The following PUM1 variants were observed in gnomAD, a reference collection of about 807,000 sequenced individuals.
The protein encoded by PUM1 is pumilio RNA binding family member 1.
Under a neutral mutation model 131.8 loss-of-function variants are expected in PUM1, and 13 were observed. The observed-to-expected ratio is 0.10, with a 90% CI of 0.06 to 0.16. PUM1 has a LOEUF of 0.16. Among genes scored for constraint, PUM1 ranks in the 10% least tolerant of loss-of-function variants. The probability of loss-of-function intolerance (pLI) is 1.00; values close to 1 mark genes in which losing one functional copy is unlikely to be tolerated. For synonymous variants in PUM1, 509 were observed against 556.5 expected (o/e 0.91, Z 1.20); for missense variants, 961 against 1,512.4 (o/e 0.64, Z 6.05).
chr1:31,038,984 A>ATATATATATATATATATATATATATTTTT, intron 2 of PUM1, among the ~76,000 whole-genome samples: 2 of 49,420 alleles, frequency 4.0e-5, no homozygotes, highest in Non-Finnish European at 6.1e-5. Context: ...ATATATATAT[A>ATATATATATATATATATATATATATTTTT]TTTTTTTTTT....
In PUM1 at chr1:30,978,603, A is replaced by G. The variant is rs533807555; in HGVS notation, c.1354+1459T>C. Among the ~76,000 whole-genome samples, 18 of 152,364 alleles carry G rather than the reference A, an allele frequency of 1.2e-4. No homozygotes were observed. The East Asian group carries it at 3.5e-3, about 29-fold the overall frequency. ...TACATAATAAGTAGTAAAATTTCGAAGTAATATTTAGTCATGATGAACTTG... is the reference window on the plus strand; with the variant it reads ...TACATAATAAGTAGTAAAATTTCGAGGTAATATTTAGTCATGATGAACTTG... On this transcript the variant is annotated intron_variant, in intron 9 of 21. Coordinates refer to ENST00000426105, the MANE Select transcript of PUM1 (RefSeq NM_001020658.2).
chr1:31,001,423 T>C (rs1272856609), intron 5 of PUM1, among the ~76,000 whole-genome samples: 1 of 151,982 alleles, frequency 6.6e-6, no homozygotes, highest in African/African-American at 2.4e-5. Flanking sequence ...CTGCTGGCCA[T>C]GTGAAATACT....
At chr1:31,044,809 TTTG>T (rs912895617) in intron 2 of PUM1, among the ~76,000 whole-genome samples, 8 of 151,960 alleles carry the variant, frequency 5.3e-5, no homozygotes, top group Admixed American at 6.6e-5. Flanking sequence ...TGTTTTGTTT[TTTG>T]TTGTTGTTGT....
At chr1:30,980,555 T>C (rs1050217505) in intron 8 of PUM1, among the ~76,000 whole-genome samples, 1 of 152,176 alleles carries the variant, frequency 6.6e-6, no homozygotes, top group African/African-American at 2.4e-5. Flanking sequence ...ATAAAATGTA[T>C]GGGTATTTAT....
Position 30,964,783 on chromosome 1 carries a change from G to A in PUM1, c.2214C>T (p.Ser738=), listed in dbSNP as rs763954822. ...GHSFYNGLSF[S]SSPGPVGMPL... is the part of the protein sequence containing the mutation. ...GCATGCCCACGGGTCCAGGAGAGGA[G>A]GAAAAGCTAAGGCCGTTATAAAAAC... Residue 738 remains serine, a synonymous_variant, in exon 14 of 22, where the codon TCC becomes TCT. Coordinates refer to ENST00000426105, the MANE Select transcript of PUM1 (RefSeq NM_001020658.2). 9.9e-6 allele frequency: 16 copies of A among 1,614,088 alleles called. No individual in the cohort carries two copies. The highest frequency in any genetic ancestry group is 1.6e-4 in the Middle Eastern group (1 of 6,062).
chr1:31,021,133 T>C (rs895948897), intron 3 of PUM1, among the ~76,000 whole-genome samples: 10 of 152,232 alleles, frequency 6.6e-5, no homozygotes, highest in African/African-American at 2.4e-4. Flanking sequence ...TATTTAAAAA[T>C]GCCTTTATAT....
At chr1:31,005,515 C>A (rs917263706) in intron 5 of PUM1, among the ~76,000 whole-genome samples, 8 of 151,942 alleles carry the variant, frequency 5.3e-5, no homozygotes, top group Admixed American at 1.3e-4. Flanking sequence ...TTTTTTAATT[C>A]CTTCACCACC....
chr1:30,941,802 C>G (rs1639447261), intron 19 of PUM1, 196 bp downstream of exon 19: 1 of 525,412 alleles, frequency 1.9e-6, no homozygotes, highest in South Asian at 1.6e-5. Flanking sequence ...CTCCTGACTC[C>G]AGGGCTAGGG....
chr1:31,043,370 ATTTT>A (rs533155364), intron 2 of PUM1, among the ~76,000 whole-genome samples: 1 of 143,796 alleles, frequency 7.0e-6, no homozygotes, highest in South Asian at 2.2e-4. Context: ...TGTCCGGCTA[ATTTT>A]TTTTTTTTTG....
Position 30,933,479 on chromosome 1 carries a change from CACACA to C in PUM1, c.3436-142_3436-138del, listed in dbSNP as rs1639056894. 18 of 857,448 alleles carry C rather than the reference CACACA, an allele frequency of 2.1e-5. No homozygotes were observed. The East Asian group carries it at 3.0e-4, about 14-fold the overall frequency. 53.1% of individuals were successfully genotyped at this position (857,448 alleles called of 1,614,324 possible). A position where few individuals can be genotyped will look rare whatever the true frequency, so the allele number is the denominator to read the frequency against. ...ACACACACACACACACACACACACA[CACACA>C]CCCCTACAGCAATACCTTTCACTGG... On this transcript the variant is annotated intron_variant, in intron 21 of 21. Coordinates refer to ENST00000426105, the MANE Select transcript of PUM1 (RefSeq NM_001020658.2).
chr1:30,997,298 C>G (rs1296137738), intron 5 of PUM1, among the ~76,000 whole-genome samples: 2 of 152,004 alleles, frequency 1.3e-5, no homozygotes, highest in Admixed American at 6.6e-5. Context: ...ATCACTTGAG[C>G]TCAGGAGTTC....
intron 3 of PUM1, among the ~76,000 whole-genome samples, chr1:31,010,262 G>GT (rs1378104160): frequency 6.6e-6 from 1 of 152,194 alleles, no homozygotes; most frequent in Non-Finnish European, 1.5e-5. Context: ...AACTGCTGTG[G>GT]TTAGCAGCAT....
intron 17 of PUM1, chr1:30,949,188 G>A (rs1639821010): frequency 4.6e-6 from 2 of 436,718 alleles, no homozygotes; most frequent in South Asian, 1.6e-5. Flanking sequence ...GGGCAAGTGG[G>A]TCATCATTGC....
At chr1:31,031,991 T>C (rs1398620411) in intron 2 of PUM1, among the ~76,000 whole-genome samples, 3 of 150,638 alleles carry the variant, frequency 2.0e-5, no homozygotes, top group South Asian at 2.1e-4. Context: ...CTCATTTATA[T>C]AAGAACCACA....
intron 2 of PUM1, among the ~76,000 whole-genome samples, chr1:31,034,934 G>A (rs1010573753): frequency 1.3e-5 from 2 of 152,078 alleles, no homozygotes; most frequent in African/African-American, 4.8e-5. Context: ...CAGGCAAAGA[G>A]GAGAAACTTG....
chr1:30,956,273 G>GT (rs923723704), intron 14 of PUM1, among the ~76,000 whole-genome samples: 16 of 151,026 alleles, frequency 1.1e-4, no homozygotes, highest in South Asian at 4.2e-4. Context: ...TTTGTTTTTT[G>GT]TTTTTTTTGA....
chr1:31,036,841 C>T (rs1643628080), intron 2 of PUM1: 1 of 153,516 alleles, frequency 6.5e-6, no homozygotes, highest in Non-Finnish European at 1.5e-5. Context: ...GTGGGTGGTT[C>T]AGCACAAGGG....
chr1:30,956,455 G>A (rs1488687647), intron 14 of PUM1, among the ~76,000 whole-genome samples: 2 of 151,934 alleles, frequency 1.3e-5, no homozygotes, highest in Non-Finnish European at 2.9e-5. Flanking sequence ...GTAGAGATGG[G>A]GTTTCACCAT....
chr1:30,980,264 GAAAAAAT>G, intron 8 of PUM1, 101 bp from the exon 9 acceptor site: 1 of 887,974 alleles, frequency 1.1e-6, no homozygotes, highest in Non-Finnish European at 1.8e-6. Flanking sequence ...AGTAGATAAG[GAAAAAAT>G]GAAAAAAGAG....
Sources: allele counts gnomAD v4.1 joint callset (sites outside exome capture counted in the v4.1 genomes callset), GRCh38; gene constraint gnomAD v4.1.1; transcripts MANE v1.5; gene names NCBI Gene and HGNC (gene_info 2026-07-23, HGNC 2026-07-21).